Variants in SRSF11 observed in about 807,000 individuals in gnomAD.
The protein encoded by SRSF11 is serine and arginine rich splicing factor 11.
In SRSF11, 9 loss-of-function variants were observed where a neutral mutation model predicts 56.0. The observed-to-expected ratio is 0.16, with a 90% CI of 0.10 to 0.28. SRSF11 has a LOEUF of 0.28. SRSF11 is among the 10% of genes least tolerant of loss of function. The pLI, the probability that SRSF11 is intolerant of heterozygous loss-of-function variation, is 1.00. For synonymous variants in SRSF11, 222 were observed against 215.3 expected (o/e 1.03, Z -0.27); for missense variants, 421 against 600.7 (o/e 0.70, Z 3.13).
At position 70,252,661 on chromosome 1, in the gene SRSF11, C is replaced by T. The variant is rs147344346; in HGVS notation, c.*1856C>T. 6.6e-6 allele frequency: 1 copy of T among 152,168 alleles called. No homozygotes were observed. The allele number at this position is 152,168 out of a possible 1,614,324, so 9.4% of individuals were successfully genotyped here. Reference sequence around the variant, plus strand: ...TGCATTTTTAAAAAACAAAGTTCAACACAAATGACATTTGTTTTAAACTTT... The same window carrying T: ...TGCATTTTTAAAAAACAAAGTTCAATACAAATGACATTTGTTTTAAACTTT... On this transcript the variant is annotated 3_prime_UTR_variant, in exon 12 of 12. Transcript: ENST00000370949.
intron 9 of SRSF11, among the ~76,000 whole-genome samples, chr1:70,247,455 A>G (rs1425905324): frequency 6.6e-6 from 1 of 152,002 alleles, no homozygotes; most frequent in Non-Finnish European, 1.5e-5. Context: ...ACTTCATTCC[A>G]TTTTTCAGAT....
intron 7 of SRSF11, among the ~76,000 whole-genome samples, chr1:70,240,150 T>A (rs979333166): frequency 6.6e-6 from 1 of 152,202 alleles, no homozygotes; most frequent in African/African-American, 2.4e-5. Context: ...TTCATAAGCA[T>A]CAGAAGTGAT....
intron 1 of SRSF11, among the ~76,000 whole-genome samples, chr1:70,225,203 G>A (rs1671500967): frequency 6.6e-6 from 1 of 152,172 alleles, no homozygotes. Context: ...GTAACTTAAG[G>A]CTGCTGTAAT....
At position 70,231,237 on chromosome 1, in the gene SRSF11, T is replaced by A. The variant is rs1672787800; in HGVS notation, c.338-1031T>A. On this transcript the variant is annotated intron_variant, in intron 2 of 11. Coordinates refer to ENST00000370949, the MANE Select transcript of SRSF11 (RefSeq NM_001350605.2). ...TATGATGAGATGCAGTTTCTTAATA[T>A]GTATTACAGAAATACTACTGGTATT... 4.9e-6 allele frequency: 6 copies of A among 1,217,236 alleles called. No individual in the cohort carries two copies. The South Asian group carries it at 8.8e-5, about 18-fold the overall frequency. The allele number at this position is 1,217,236 out of a possible 1,614,324, so 75.4% of individuals were successfully genotyped here.
At chr1:70,209,600 TTTTG>T (rs1165372273) in intron 1 of SRSF11, among the ~76,000 whole-genome samples, 2 of 151,996 alleles carry the variant, frequency 1.3e-5, no homozygotes, top group African/African-American at 4.8e-5. Context: ...GGACATTCTT[TTTTG>T]TTTGTTTGTT....
rs1269909845 is a variant in SRSF11 at position 70,221,683 on chromosome 1, G to C, written c.47G>C (p.Ser16Thr). Residue 16 changes from serine (S) to threonine (T), a missense_variant, in exon 1 of 12, where the codon AGC (serine) becomes ACC (threonine). Physicochemically the swap from Ser to Thr is moderately conservative, Grantham distance 58. Transcript: ENST00000370949. ...VVPSTAGPGPSGGPGGGGGGG... is the reference protein window; with the variant it reads ...VVPSTAGPGPTGGPGGGGGGG... The stretch of plus-strand genomic sequence containing the variant: ...CCCAGCACTGCAGGTCCGGGCCCCA[G>C]CGGCGGGCCCGGTGGCGGAGGTGGT... 1.2e-6 allele frequency: 2 copies of C among 1,612,932 alleles called. No individual in the cohort carries two copies. The highest frequency in any genetic ancestry group is 2.2e-5 in the East Asian group (1 of 44,844).
At chr1:70,209,080 G>T (rs1669311947) in intron 1 of SRSF11, among the ~76,000 whole-genome samples, 1 of 152,180 alleles carries the variant, frequency 6.6e-6, no homozygotes, top group Admixed American at 6.5e-5. Context: ...TTTGCTAAAT[G>T]AGAAAAGAAA....
At position 70,221,648 on chromosome 1, in the gene SRSF11, T is replaced by C; in HGVS notation, c.12T>C (p.Thr4=). The C allele has an allele frequency of 1.2e-6, 2 of 1,611,408 alleles. No individual in the cohort carries two copies. Among genetic ancestry groups the C allele is most frequent in the Non-Finnish European group, 1.7e-6 (2 of 1,178,604 alleles). Residue 4 remains threonine, a synonymous_variant, in exon 1 of 12, where the codon ACT becomes ACC. Coordinates refer to ENST00000370949, the MANE Select transcript of SRSF11 (RefSeq NM_001350605.2). The stretch of plus-strand genomic sequence containing the variant: ...ACCCGAGCAGCGCCATGAGCAACAC[T>C]ACCGTCGTCCCCAGCACTGCAGGTC... The part of the protein sequence containing the change: MSN[T]TVVPSTAGPG...
Position 70,236,952 on chromosome 1 carries a change from T to A in SRSF11, c.591-473T>A, listed in dbSNP as rs182606280. Among the ~76,000 whole-genome samples, 1,326 of 151,956 alleles carry A rather than the reference T, an allele frequency of 8.7e-3. 21 individuals carry two copies. Among genetic ancestry groups the A allele is most frequent in the African/African-American group, 0.03 (1,250 of 41,458 alleles). ...ACAGGCGCCTGCCACCATGCCTGGC[T>A]AGTTTTTTGTATTTTGAGTAGAGAT... On this transcript the variant is annotated intron_variant, in intron 5 of 11. Transcript: ENST00000370949.
Position 70,229,897 on chromosome 1 carries a change from A to C in SRSF11, c.337+1342A>C, listed in dbSNP as rs181772680. The C allele has an allele frequency of 3.0e-6, 3 of 985,344 alleles. No homozygotes were observed. In the African/African-American group the frequency reaches 5.2e-5, roughly 17 times the overall value. 61.0% of individuals were successfully genotyped at this position (985,344 alleles called of 1,614,324 possible). On this transcript the variant is annotated intron_variant, in intron 2 of 11. Transcript: ENST00000370949. ...AGTTTTAAGGTTTTGTAATGTATAG[A>C]TAGATAAATTTTTGAGTTAGTGTGT... is the stretch of plus-strand genomic sequence containing the variant.
intron 2 of SRSF11, chr1:70,229,039 G>T (rs1672396743): frequency 1.0e-6 from 1 of 984,436 alleles, no homozygotes; most frequent in Non-Finnish European, 1.2e-6. Context: ...ACCAAGGGTT[G>T]CAGTGATTTT....
intron 9 of SRSF11, 45 bp from the exon 10 acceptor site, chr1:70,249,907 A>T (rs770306901): frequency 6.3e-7 from 1 of 1,584,010 alleles, no homozygotes; most frequent in African/African-American, 1.3e-5. Flanking sequence ...CATTTTTAAG[A>T]TCACACTGTA....
chr1:70,236,048 G>C (rs1053638646), intron 5 of SRSF11, among the ~76,000 whole-genome samples: 3 of 152,098 alleles, frequency 2.0e-5, no homozygotes, highest in African/African-American at 7.2e-5. Context: ...TAATAAATTT[G>C]AACTTTATAC....
intron 2 of SRSF11, chr1:70,229,784 C>T: frequency 2.0e-6 from 2 of 983,860 alleles, no homozygotes; most frequent in Non-Finnish European, 2.4e-6. Flanking sequence ...CTCTGGTTTT[C>T]TAAAGAAATT....
intron 1 of SRSF11, among the ~76,000 whole-genome samples, chr1:70,215,129 G>A (rs1391604739): frequency 2.0e-5 from 3 of 151,890 alleles, no homozygotes; most frequent in Admixed American, 6.6e-5. Flanking sequence ...AACTCCTGGC[G>A]TGAAGTGATC....
chr1:70,250,578 A>G, intron 11 of SRSF11, 30 bp from the exon 12 acceptor site: 1 of 1,609,804 alleles, frequency 6.2e-7, no homozygotes, highest in Non-Finnish European at 8.5e-7. Context: ...TCTTTGGAGA[A>G]GTTTACTTTT....
rs947560085 is a variant in SRSF11 at position 70,239,693 on chromosome 1, C to G, written c.800+173C>G. Among the ~76,000 whole-genome samples the G allele has an allele frequency of 2.0e-5, 3 of 152,038 alleles. No homozygotes were observed. In the East Asian group the frequency reaches 5.8e-4, roughly 29 times the overall value. On this transcript the variant is annotated intron_variant, in intron 7 of 11. Transcript: ENST00000370949. ...TGTAAAAAGTAAGAAAAGCGACAGA[C>G]GAAATAGATGATTTATGCTTTAAAA...
chr1:70,207,209 C>T (rs1438105721), intron 1 of SRSF11, among the ~76,000 whole-genome samples: 1 of 152,042 alleles, frequency 6.6e-6, no homozygotes, highest in Non-Finnish European at 1.5e-5. Context: ...TAAAGGAAAA[C>T]GACCGTAGCA....
At chr1:70,213,783 G>A (rs1053770016) in intron 1 of SRSF11, among the ~76,000 whole-genome samples, 2 of 152,112 alleles carry the variant, frequency 1.3e-5, no homozygotes, top group African/African-American at 4.8e-5. Context: ...GTTTAAATAA[G>A]GAAATTGAAG....
Sources: allele counts gnomAD v4.1 joint callset (sites outside exome capture counted in the v4.1 genomes callset), GRCh38; gene constraint gnomAD v4.1.1; transcripts MANE v1.5; gene names NCBI Gene and HGNC (gene_info 2026-07-23, HGNC 2026-07-21).